GPHN: variants seen among roughly 807,000 people sequenced by gnomAD.
The protein encoded by GPHN is gephyrin.
In GPHN, 17 loss-of-function variants were observed where a neutral mutation model predicts 95.5. That is an observed-to-expected ratio of 0.18 (90% CI 0.12 to 0.27). The LOEUF (loss-of-function observed/expected upper bound fraction) is 0.27. GPHN is among the 10% of genes least tolerant of loss of function. The pLI is 1.00. For synonymous variants in GPHN, 320 were observed against 322.5 expected, an observed-to-expected ratio of 0.99 and a Z score of 0.08; for missense variants, 660 against 978.1, an observed-to-expected ratio of 0.67 and a Z score of 4.34.
At chr14:66,852,193 T>C (rs2062609890) in intron 4 of GPHN, among the ~76,000 whole-genome samples, 1 of 152,240 alleles carries the variant, frequency 6.6e-6, no homozygotes, top group Admixed American at 6.5e-5. Context: ...AATAAATTAA[T>C]AAAAATCTTT....
the GPHN span, among the ~76,000 whole-genome samples, chr14:67,369,375 T>C: frequency 1.3e-5 from 2 of 152,128 alleles, no homozygotes; most frequent in Non-Finnish European, 2.9e-5. Context: ...AAAGCAGAAA[T>C]TGAATTCAAG....
chr14:66,744,019 T>G (rs1010204876), intron 2 of GPHN, among the ~76,000 whole-genome samples: 2 of 152,168 alleles, frequency 1.3e-5, no homozygotes, highest in African/African-American at 4.8e-5. Flanking sequence ...TTTCTTCTAA[T>G]AGGCTCCAAG....
intron 3 of GPHN, among the ~76,000 whole-genome samples, chr14:66,804,746 A>G (rs1566963346): frequency 6.6e-6 from 1 of 152,116 alleles, no homozygotes; most frequent in Non-Finnish European, 1.5e-5. Flanking sequence ...CTTAATCATT[A>G]TTATTTCTGC....
intron 4 of GPHN, among the ~76,000 whole-genome samples, chr14:66,839,040 C>T (rs888602736): frequency 6.6e-6 from 1 of 152,134 alleles, no homozygotes; most frequent in Non-Finnish European, 1.5e-5. Flanking sequence ...GGAACTGCTA[C>T]TAAAATATGA....
chr14:66,935,005 A>G (rs112960874), intron 8 of GPHN, among the ~76,000 whole-genome samples: 21 of 152,230 alleles, frequency 1.4e-4, no homozygotes, highest in African/African-American at 5.1e-4. Flanking sequence ...ACCTGATTCA[A>G]GAGGATAGAG....
At chr14:66,769,377 TA>T (rs1321228939) in intron 2 of GPHN, among the ~76,000 whole-genome samples, 3 of 152,076 alleles carry the variant, frequency 2.0e-5, no homozygotes, top group African/African-American at 7.2e-5. Flanking sequence ...GTTATACAGG[TA>T]AACTCATGTC....
the GPHN span, chr14:67,586,394 G>A: frequency 2.2e-6 from 3 of 1,358,976 alleles, no homozygotes; most frequent in Non-Finnish European, 2.9e-6. Flanking sequence ...TCCTCAGTTG[G>A]GTGCTTACGT....
the GPHN span, among the ~76,000 whole-genome samples, chr14:67,465,306 G>T: frequency 6.6e-6 from 1 of 150,444 alleles, no homozygotes. Context: ...GGTAACATAG[G>T]GGCCGAAGGC....
the GPHN span, among the ~76,000 whole-genome samples, chr14:67,195,471 G>T: frequency 6.6e-6 from 1 of 152,036 alleles, no homozygotes; most frequent in Admixed American, 6.6e-5. Context: ...CAGCCATGTG[G>T]CATATCCTGA....
At chr14:66,695,950 G>A (rs2068075734) in intron 2 of GPHN, among the ~76,000 whole-genome samples, 1 of 152,158 alleles carries the variant, frequency 6.6e-6, no homozygotes, top group Admixed American at 6.5e-5. Flanking sequence ...ATGATGCATT[G>A]TCTAAACCAT....
chr14:66,916,773 A>G (rs1035703453), intron 6 of GPHN, among the ~76,000 whole-genome samples: 5 of 152,176 alleles, frequency 3.3e-5, no homozygotes, highest in African/African-American at 4.8e-5. Context: ...AAGGGCAACT[A>G]CTTTTACCCT....
At chr14:66,940,732 G>T (rs1271752084) in intron 8 of GPHN, among the ~76,000 whole-genome samples, 1 of 152,192 alleles carries the variant, frequency 6.6e-6, no homozygotes, top group Non-Finnish European at 1.5e-5. Flanking sequence ...CTCAGATCTA[G>T]TGTTCTTTCC....
At chr14:67,024,378 C>T (rs2073818456) in intron 10 of GPHN, among the ~76,000 whole-genome samples, 1 of 152,184 alleles carries the variant, frequency 6.6e-6, no homozygotes, top group African/African-American at 2.4e-5. Flanking sequence ...TTATTGTTCT[C>T]TATATCTTAA....
At chr14:67,183,541 C>T (rs1209324503), downstream of GPHN, among the ~76,000 whole-genome samples, 2 of 152,000 alleles carry the variant, frequency 1.3e-5, no homozygotes, top group Non-Finnish European at 2.9e-5. Context: ...ACTCTACAGT[C>T]TATATTCTTT....
At chr14:67,187,256 G>A in the GPHN span, among the ~76,000 whole-genome samples, 1 of 152,152 alleles carries the variant, frequency 6.6e-6, no homozygotes, top group Non-Finnish European at 1.5e-5. Context: ...AAGGCACCAT[G>A]CTAACCAAGG....
chr14:66,557,282 T>TAGAAAGAA (rs535911351), intron 1 of GPHN, among the ~76,000 whole-genome samples: 8 of 147,122 alleles, frequency 5.4e-5, no homozygotes, highest in African/African-American at 1.8e-4. Flanking sequence ...GATAGATAGA[T>TAGAAAGAA]AGAATGAATT....
the GPHN span, among the ~76,000 whole-genome samples, chr14:67,387,980 G>A: frequency 2.0e-5 from 3 of 152,158 alleles, no homozygotes; most frequent in Non-Finnish European, 4.4e-5. Flanking sequence ...GGAAGCTTAT[G>A]GGCCATCAGC....
chr14:66,982,012 A>G (rs2070715092), intron 9 of GPHN, among the ~76,000 whole-genome samples: 1 of 152,202 alleles, frequency 6.6e-6, no homozygotes, highest in African/African-American at 2.4e-5. Context: ...AAAGAAAAAT[A>G]TGAATGTATA....
intron 13 of GPHN, among the ~76,000 whole-genome samples, chr14:67,101,985 C>G (rs886399601): frequency 6.6e-6 from 1 of 152,076 alleles, no homozygotes; most frequent in Non-Finnish European, 1.5e-5. Context: ...CATTCTCCTG[C>G]CTCAGCCTCC....
Sources: allele counts gnomAD v4.1 joint callset (sites outside exome capture counted in the v4.1 genomes callset), GRCh38; gene constraint gnomAD v4.1.1; transcripts MANE v1.5; gene names NCBI Gene and HGNC (gene_info 2026-07-23, HGNC 2026-07-21).